Variants in GLIPR1L2 observed in about 807,000 individuals in gnomAD.
GLIPR1L2 encodes the protein GLIPR1 like 2, also known as GLIPR1-like protein 2.
Under a neutral mutation model 28.4 loss-of-function variants are expected in GLIPR1L2, and 21 were observed. The ratio of observed to expected loss-of-function variants is 0.74; its 90% CI spans 0.52 to 1.06. The LOEUF is 1.06. Ranked by LOEUF, GLIPR1L2 falls within the 50% of genes least tolerant of loss-of-function variation. The pLI is 0.00. For missense variants in GLIPR1L2, 476 were observed against 416.9 expected (o/e 1.14, Z -1.23); for synonymous variants, 145 against 139.3 (o/e 1.04, Z -0.29).
intron 2 of GLIPR1L2, among the ~76,000 whole-genome samples, chr12:75,411,240 G>T (rs2045863780): frequency 6.6e-6 from 1 of 151,734 alleles, no homozygotes; most frequent in Non-Finnish European, 1.5e-5. Flanking sequence ...ATACTACACT[G>T]AGGGCAGGGA....
At chr12:75,429,837 T>G (rs2046072133) in intron 4 of GLIPR1L2, among the ~76,000 whole-genome samples, 1 of 152,048 alleles carries the variant, frequency 6.6e-6, no homozygotes, top group South Asian at 2.1e-4. Flanking sequence ...ATGTGCCTTG[T>G]TTCCCCTTCA....
At chr12:75,403,608 T>C (rs2139930080) in intron 1 of GLIPR1L2, among the ~76,000 whole-genome samples, 1 of 152,292 alleles carries the variant, frequency 6.6e-6, no homozygotes, top group East Asian at 1.9e-4. Flanking sequence ...GTGGCCTCTT[T>C]GGGAAACTTC....
intron 3 of GLIPR1L2, among the ~76,000 whole-genome samples, chr12:75,421,281 A>G (rs1162925505): frequency 6.6e-6 from 1 of 152,216 alleles, no homozygotes; most frequent in African/African-American, 2.4e-5. Flanking sequence ...TAGAACAGTG[A>G]AATTGAAGAA....
rs571104860 is a variant in GLIPR1L2, at chr12:75,429,205, C to T, written c.671-1510C>T. On this transcript the variant is annotated intron_variant, in intron 4 of 5. Transcript: ENST00000550916. ...GCCACAGGGCCTGAACCCTTCAGAG[C>T]CACAGGGGCAGAGCTTCCCAAGTCC... Among the ~76,000 whole-genome samples, 25 of 152,328 alleles carry T rather than the reference C, an allele frequency of 1.6e-4. 1 individual carries two copies. In the South Asian group the frequency reaches 5.2e-3, roughly 32 times the overall value.
At chr12:75,391,558 C>T (rs1418443955) in intron 1 of GLIPR1L2, 3 of 1,513,200 alleles carry the variant, frequency 2.0e-6, no homozygotes, top group Non-Finnish European at 2.7e-6. Flanking sequence ...TTACACAGGG[C>T]CAGGACTAAG....
At chr12:75,411,665 T>A (rs1288115290) in intron 2 of GLIPR1L2, among the ~76,000 whole-genome samples, 1 of 151,964 alleles carries the variant, frequency 6.6e-6, no homozygotes, top group Non-Finnish European at 1.5e-5. Context: ...CTAGACCTTT[T>A]CGTTTCCTGC....
At chr12:75,420,738 C>T (rs1325719613) in intron 3 of GLIPR1L2, among the ~76,000 whole-genome samples, 1 of 152,146 alleles carries the variant, frequency 6.6e-6, no homozygotes, top group African/African-American at 2.4e-5. Context: ...TGGATTCAGA[C>T]TCAAGTTAAT....
At position 75,410,596 on chromosome 12, in the gene GLIPR1L2, G is replaced by A. The variant is rs752083422; in HGVS notation, c.397G>A (p.Ala133Thr). 1.4e-5 allele frequency: 23 copies of A among 1,612,262 alleles called. No individual in the cohort carries two copies. The highest frequency in any genetic ancestry group is 1.9e-5 in the Non-Finnish European group (22 of 1,178,834). ...TGAAAATGAATTTACTGCAAGTATT[G>A]CTATCAGAAGTTGGCATGCAGAGAA... Reference protein sequence around the residue: ...GPENEFTASIAIRSWHAEKKM... With the variant: ...GPENEFTASITIRSWHAEKKM... The change falls in exon 2 of 6, where the codon GCT (alanine) becomes ACT (threonine). Residue 133 changes from alanine to threonine, a missense_variant. By Grantham distance (58) the Ala-to-Thr change is moderately conservative. Transcript: ENST00000550916.
chr12:75,403,803 C>G (rs546901467), intron 1 of GLIPR1L2, among the ~76,000 whole-genome samples: 2 of 152,198 alleles, frequency 1.3e-5, no homozygotes, highest in East Asian at 3.9e-4. Context: ...ATCCCCTGCC[C>G]CCATTAGAGG....
At chr12:75,399,853 A>G (rs1179747220) in intron 1 of GLIPR1L2, among the ~76,000 whole-genome samples, 2 of 152,222 alleles carry the variant, frequency 1.3e-5, no homozygotes, top group African/African-American at 2.4e-5. Context: ...GTAGAGAAGA[A>G]TCTGGCAATA....
At chr12:75,418,209 G>C (rs187249937) in intron 3 of GLIPR1L2, among the ~76,000 whole-genome samples, 32 of 152,192 alleles carry the variant, frequency 2.1e-4, no homozygotes, top group African/African-American at 6.7e-4. Flanking sequence ...TGATAAAGTT[G>C]GCGTTTAAAA....
At position 75,391,166 on chromosome 12, in the gene GLIPR1L2, C is replaced by A. The variant is rs370742897; in HGVS notation, c.50C>A (p.Pro17His). 223 of 1,614,086 alleles carry A rather than the reference C, an allele frequency of 1.4e-4. No homozygotes were observed. The highest frequency in any genetic ancestry group is 1.8e-4 in the Non-Finnish European group (207 of 1,180,038). ...CGGGAGTGGAGGGCCCAGTCCCTAC[C>A]CCTGGCAGTAGGGGGCGTTTTGAAG... Reference protein sequence around the residue: ...FAREWRAQSLPLAVGGVLKLR... With the variant: ...FAREWRAQSLHLAVGGVLKLR... The change falls in exon 1 of 6, where the codon CCC becomes CAC. Residue 17 changes from proline to histidine, a missense_variant. Coordinates refer to ENST00000550916, the MANE Select transcript of GLIPR1L2 (RefSeq NM_001270396.2).
At position 75,428,926 on chromosome 12, in the gene GLIPR1L2, G is replaced by C. The variant is rs1308289971; in HGVS notation, c.671-1789G>C. ...GTTGAGCTTTGGGAGCCTTCACGTA[G>C]ATTTCAGAGGATGTTTGGAAACACC... On this transcript the variant is annotated intron_variant, in intron 4 of 5. Coordinates refer to ENST00000550916, the MANE Select transcript of GLIPR1L2 (RefSeq NM_001270396.2). 1.3e-5 allele frequency among the ~76,000 whole-genome samples: 2 copies of C among 152,224 alleles called. 1 individual carries two copies. The highest frequency in any genetic ancestry group is 4.1e-4 in the South Asian group (2 of 4,832).
chr12:75,419,826 A>C (rs1463095083), intron 3 of GLIPR1L2, among the ~76,000 whole-genome samples: 1 of 152,234 alleles, frequency 6.6e-6, no homozygotes. Context: ...AACAGAGTTC[A>C]TACTTTCGTT....
intron 3 of GLIPR1L2, among the ~76,000 whole-genome samples, chr12:75,417,519 C>T (rs530238544): frequency 1.3e-5 from 2 of 152,192 alleles, no homozygotes; most frequent in East Asian, 3.9e-4. Flanking sequence ...ATAAAACAGA[C>T]TTGGCCATGC....
intron 4 of GLIPR1L2, among the ~76,000 whole-genome samples, chr12:75,427,225 A>G (rs1282333808): frequency 6.7e-6 from 1 of 149,200 alleles, no homozygotes; most frequent in African/African-American, 2.5e-5. Context: ...GTAACTATTT[A>G]ATGAAACATA....
At chr12:75,423,277 T>C (rs2045997883) in intron 4 of GLIPR1L2, 1 of 1,216,310 alleles carries the variant, frequency 8.2e-7, no homozygotes, top group Non-Finnish European at 1.0e-6. Context: ...TCACAGTTTA[T>C]GCCCAAACAG....
chr12:75,393,104 A>T (rs1282814899), intron 1 of GLIPR1L2, among the ~76,000 whole-genome samples: 1 of 152,086 alleles, frequency 6.6e-6, no homozygotes, highest in African/African-American at 2.4e-5. Context: ...CTCCACCCAA[A>T]TATTAATAAG....
At chr12:75,416,077 T>TG (rs1250011429) in intron 3 of GLIPR1L2, among the ~76,000 whole-genome samples, 2 of 152,094 alleles carry the variant, frequency 1.3e-5, no homozygotes, top group African/African-American at 4.8e-5. Context: ...GGTCAGTTTC[T>TG]GGGTATATTA....
Sources: gnomAD v4.1 joint callset for allele counts (sites outside exome capture counted in the v4.1 genomes callset) on GRCh38, gnomAD v4.1.1 for gene constraint, MANE v1.5 for transcripts, NCBI Gene and HGNC (gene_info 2026-07-23, HGNC 2026-07-21) for gene names.